The following CYP27A1 variants were observed in gnomAD, a reference collection of about 807,000 sequenced individuals.
The protein encoded by CYP27A1 is sterol 26-hydroxylase, mitochondrial.
CYP27A1 carries 46 observed loss-of-function variants against 58.2 expected under a neutral mutation model. That is an observed-to-expected ratio of 0.79 (90% confidence interval 0.62 to 1.01). CYP27A1 has a LOEUF of 1.01. Among genes scored for constraint, CYP27A1 ranks in the 50% least tolerant of loss-of-function variants. CYP27A1 has a pLI of 0.00. For missense variants in CYP27A1, 704 were observed against 687.0 expected (o/e 1.02, Z -0.28); for synonymous variants, 274 against 285.1 (o/e 0.96, Z 0.39).
Position 218,814,133 on chromosome 2 carries a change from A to G in CYP27A1, c.1130A>G (p.His377Arg), listed in dbSNP as rs41272685. 3.8e-5 allele frequency: 61 copies of G among 1,614,272 alleles called. No individual in the cohort carries two copies. Among genetic ancestry groups the G allele is most frequent in the Non-Finnish European group, 4.2e-5 (50 of 1,180,048 alleles). ...GVVPAGQVPQ[H>R]KDFAHMPLLK... ...GTGCCAGCCGGGCAAGTGCCCCAGC[A>G]CAAGGACTTTGCCCACATGCCGTTG... The change falls in exon 6 of 9, where the codon CAC becomes CGC. Residue 377 changes from histidine (H) to arginine (R), a missense_variant. His to Arg is a conservative substitution (Grantham distance 29). Coordinates refer to ENST00000258415, the MANE Select transcript of CYP27A1 (RefSeq NM_000784.4).
At position 218,783,806 on chromosome 2, in the gene CYP27A1, T is replaced by C. The variant is rs1389453869; in HGVS notation, c.255+1369T>C. 3.3e-5 allele frequency among the ~76,000 whole-genome samples: 5 copies of C among 152,188 alleles called. No homozygotes were observed. The East Asian group carries it at 9.7e-4, about 29-fold the overall frequency. ...GGGGTAGCCAACCATCTGCTGGTCA[T>C]GTGTCTGTGCTGGGAAGGAGTCAAA... On this transcript the variant is annotated intron_variant, in intron 1 of 8. Coordinates refer to ENST00000258415, the MANE Select transcript of CYP27A1 (RefSeq NM_000784.4).
At chr2:218,803,022 G>A (rs571639003) in intron 1 of CYP27A1, among the ~76,000 whole-genome samples, 2 of 152,086 alleles carry the variant, frequency 1.3e-5, no homozygotes, top group South Asian at 2.1e-4. Flanking sequence ...TCGGCTCACC[G>A]CAACCTCTGC....
chr2:218,793,341 G>T (rs1158142684), intron 1 of CYP27A1, among the ~76,000 whole-genome samples: 5 of 152,166 alleles, frequency 3.3e-5, no homozygotes, highest in Non-Finnish European at 7.3e-5. Flanking sequence ...CTCCCAAAGT[G>T]CTGGGATTAG....
At position 218,782,330 on chromosome 2, in the gene CYP27A1, G is replaced by A. The variant is rs149101812; in HGVS notation, c.148G>A (p.Val50Ile). 5.9e-5 allele frequency: 95 copies of A among 1,613,284 alleles called. No homozygotes were observed. The African/African-American group carries it at 7.3e-4, about 12-fold the overall frequency. Residue 50 changes from valine (V) to isoleucine (I), a missense_variant, in exon 1 of 9, where the codon GTC becomes ATC. Physicochemically the swap from Val to Ile is conservative, Grantham distance 29. Transcript: ENST00000258415. The surrounding 1 kb of genome is among the most constrained non-coding windows in gnomAD (Gnocchi z 4.1). ...ATGAPGAGPGVRRRQRSLEEI... is the reference protein window; with the variant it reads ...ATGAPGAGPGIRRRQRSLEEI... Reference sequence around the variant, plus strand: ...CGGAGCTCCCGGAGCCGGGCCTGGTGTCCGGCGGCGGCAACGGAGCTTAGA... The same window carrying A: ...CGGAGCTCCCGGAGCCGGGCCTGGTATCCGGCGGCGGCAACGGAGCTTAGA...
intron 1 of CYP27A1, among the ~76,000 whole-genome samples, chr2:218,800,612 T>C (rs12623007): frequency 0.47 from 71,741 of 151,950 alleles, 17,414 homozygotes; most frequent in Non-Finnish European, 0.51. Flanking sequence ...AGTGTATGCA[T>C]ATTTTAGAGA....
intron 8 of CYP27A1, 22 bp from the exon 9 acceptor site, chr2:218,814,889 A>C (rs1360028024): frequency 6.2e-7 from 1 of 1,614,182 alleles, no homozygotes; most frequent in African/African-American, 1.3e-5. Flanking sequence ...CCACCCAACC[A>C]CATGTGCTCT....
chr2:218,809,442 CTTTTT>C (rs57956133), intron 1 of CYP27A1, 130 bp from the exon 2 acceptor site: 106 of 369,778 alleles, frequency 2.9e-4, no homozygotes, highest in Middle Eastern at 9.3e-4. Flanking sequence ...ACACAATGCC[CTTTTT>C]TTTTTTTTTT....
chr2:218,787,700 G>GA (rs1943453263), intron 1 of CYP27A1, among the ~76,000 whole-genome samples: 1 of 106,410 alleles, frequency 9.4e-6, no homozygotes, highest in South Asian at 2.8e-4. Flanking sequence ...ATACCCACAT[G>GA]CTCTGCTTTC....
intron 1 of CYP27A1, among the ~76,000 whole-genome samples, chr2:218,805,436 G>T (rs931827057): frequency 6.6e-6 from 1 of 152,214 alleles, no homozygotes; most frequent in African/African-American, 2.4e-5. Flanking sequence ...GTATGACATG[G>T]TTTTCACCCA....
chr2:218,790,398 T>C (rs973896156), intron 1 of CYP27A1, among the ~76,000 whole-genome samples: 2 of 152,230 alleles, frequency 1.3e-5, no homozygotes, highest in African/African-American at 4.8e-5. Context: ...CTATGCTCCT[T>C]AGCCAGGTTC....
At chr2:218,809,469 A>G in intron 1 of CYP27A1, 108 bp from the exon 2 acceptor site, 1 of 143,578 alleles carries the variant, frequency 7.0e-6, no homozygotes, top group Non-Finnish European at 1.2e-5. Context: ...TTTTTTGCCC[A>G]GCTCATTTGC....
intron 1 of CYP27A1, among the ~76,000 whole-genome samples, chr2:218,794,866 A>G (rs542072711): frequency 7.1e-4 from 108 of 152,310 alleles, no homozygotes; most frequent in Non-Finnish European, 1.3e-3. Flanking sequence ...CATCTAGAAA[A>G]GAGAGGAGCA....
Position 218,814,461 on chromosome 2 carries a change from G to T in CYP27A1, c.1263+3G>T. ...ATGGCTTCCTCTTCCCCAAGAACGT[G>T]AGTGGGGCTAGAGAGCCCGATTGCC... On this transcript the variant is annotated splice_donor_region_variant and intron_variant, in intron 7 of 8. Transcript: ENST00000258415. 6.2e-7 allele frequency: 1 copy of T among 1,614,174 alleles called. No individual in the cohort carries two copies. The highest frequency in any genetic ancestry group is 8.5e-7 in the Non-Finnish European group (1 of 1,179,964).
At chr2:218,795,573 C>T (rs754928872) in intron 1 of CYP27A1, among the ~76,000 whole-genome samples, 5 of 152,110 alleles carry the variant, frequency 3.3e-5, no homozygotes, top group Non-Finnish European at 7.3e-5. Flanking sequence ...ACAGGATTTG[C>T]AGGATAATTG....
chr2:218,813,059 G>A lies in CYP27A1; in HGVS notation c.980G>A (p.Gly327Asp), dbSNP rs1355686501. The change falls in exon 5 of 9, where the codon GGC becomes GAC. Residue 327 changes from glycine (G) to aspartate (D), a missense_variant. Coordinates refer to ENST00000258415, the MANE Select transcript of CYP27A1 (RefSeq NM_000784.4). ...SGQLSPREAMGSLPELLMAGV... is the reference protein window; with the variant it reads ...SGQLSPREAMDSLPELLMAGV... ...CAGCTCAGTCCTCGGGAGGCCATGG[G>A]CAGCCTGCCTGAGCTGCTCATGGCT... 3.1e-6 allele frequency: 5 copies of A among 1,613,860 alleles called. No homozygotes were observed. The highest frequency in any genetic ancestry group is 4.2e-6 in the Non-Finnish European group (5 of 1,179,852).
intron 1 of CYP27A1, among the ~76,000 whole-genome samples, chr2:218,788,939 A>G (rs1943465693): frequency 1.3e-5 from 2 of 152,216 alleles, no homozygotes; most frequent in African/African-American, 2.4e-5. Context: ...GTAGACATCT[A>G]TAAAGTTGTC....
intron 1 of CYP27A1, among the ~76,000 whole-genome samples, chr2:218,806,501 A>G (rs896951404): frequency 2.0e-5 from 3 of 152,276 alleles, no homozygotes; most frequent in Non-Finnish European, 4.4e-5. Context: ...ACATAGAATT[A>G]TCCACTCCGA....
intron 1 of CYP27A1, among the ~76,000 whole-genome samples, chr2:218,794,841 A>G (rs1432424759): frequency 1.3e-5 from 2 of 152,202 alleles, no homozygotes; most frequent in Admixed American, 6.5e-5. Context: ...TACAGACTGA[A>G]GAAGAATGGC....
intron 1 of CYP27A1, among the ~76,000 whole-genome samples, chr2:218,806,350 G>GCATTT (rs1437236992): frequency 6.6e-6 from 1 of 152,194 alleles, no homozygotes; most frequent in East Asian, 1.9e-4. Flanking sequence ...CTCAATCTAT[G>GCATTT]GTGATTTCAT....
Sources: gnomAD v4.1 joint callset for allele counts (sites outside exome capture counted in the v4.1 genomes callset) on GRCh38, gnomAD v4.1.1 for gene constraint, Gnocchi (gnomAD v3.1) non-coding constraint, MANE v1.5 for transcripts, NCBI Gene and HGNC (gene_info 2026-07-23, HGNC 2026-07-21) for gene names.